The following ST3GAL3 variants were observed in gnomAD, a reference collection of about 807,000 sequenced individuals.
The protein encoded by ST3GAL3 is CMP-N-acetylneuraminate-beta-1,4-galactoside alpha-2,3-sialyltransferase.
Under a neutral mutation model 50.1 loss-of-function variants are expected in ST3GAL3, and 21 were observed. The ratio of observed to expected loss-of-function variants is 0.42; its 90% CI spans 0.30 to 0.60. The LOEUF (loss-of-function observed/expected upper bound fraction) is 0.60. Among genes scored for constraint, ST3GAL3 ranks in the 20% least tolerant of loss-of-function variants. The pLI is 0.19. For missense variants in ST3GAL3, 353 were observed against 489.4 expected (o/e 0.72, Z 2.63); for synonymous variants, 183 against 190.0 (o/e 0.96, Z 0.30).
intron 5 of ST3GAL3, among the ~76,000 whole-genome samples, chr1:43,890,574 G>A (rs1288124584): frequency 2.6e-5 from 4 of 152,098 alleles, no homozygotes; most frequent in South Asian, 4.1e-4. Flanking sequence ...AGAGAGAGAC[G>A]AAGTGGAAAG....
intron 11 of ST3GAL3, among the ~76,000 whole-genome samples, chr1:43,921,263 A>C (rs2082989700): frequency 1.3e-5 from 2 of 152,078 alleles, no homozygotes; most frequent in Non-Finnish European, 2.9e-5. Context: ...TCCCTCAAAA[A>C]ACCCACAACT....
chr1:43,928,956 A>G (rs1017719386), intron 11 of ST3GAL3, among the ~76,000 whole-genome samples: 6 of 152,184 alleles, frequency 3.9e-5, no homozygotes, highest in Non-Finnish European at 7.4e-5. Flanking sequence ...GTGAAGCTCA[A>G]TGCTGACAAA....
chr1:43,922,032 C>G, intron 11 of ST3GAL3: 1 of 311,848 alleles, frequency 3.2e-6, no homozygotes, highest in Non-Finnish European at 5.8e-6. Flanking sequence ...CATTCTCTCA[C>G]ATTCTCTTTC....
At chr1:43,888,297 A>G (rs1271921756) in intron 5 of ST3GAL3, among the ~76,000 whole-genome samples, 1 of 152,160 alleles carries the variant, frequency 6.6e-6, no homozygotes, top group Non-Finnish European at 1.5e-5. Context: ...TATGACTCAA[A>G]CTCCAGAAGC....
At chr1:43,858,638 T>C (rs981792096) in intron 5 of ST3GAL3, among the ~76,000 whole-genome samples, 22 of 152,192 alleles carry the variant, frequency 1.4e-4, no homozygotes, top group Non-Finnish European at 2.8e-4. Flanking sequence ...AGCAGCCCTG[T>C]GAGTTCCTCA....
chr1:43,838,921 G>T, intron 5 of ST3GAL3: 1 of 163,940 alleles, frequency 6.1e-6, no homozygotes, highest in East Asian at 1.7e-4. Context: ...GTGTGGAAAA[G>T]GAGCTGAAGT....
rs558530133 is a variant in ST3GAL3, at chr1:43,890,385, A to G, written c.303-3998A>G. 5.9e-5 allele frequency among the ~76,000 whole-genome samples: 9 copies of G among 152,214 alleles called. 1 individual carries two copies. Among genetic ancestry groups the G allele is most frequent in the Non-Finnish European group, 1.2e-4 (8 of 68,000 alleles). ...ACAGTACTATTTTTTCTGCCTTTTTATATGTGAAATTTTCCATAATGAAAA... is the reference window on the plus strand; with the variant it reads ...ACAGTACTATTTTTTCTGCCTTTTTGTATGTGAAATTTTCCATAATGAAAA... On this transcript the variant is annotated intron_variant, in intron 5 of 11. Coordinates refer to ENST00000347631, the MANE Select transcript of ST3GAL3 (RefSeq NM_006279.5).
chr1:43,867,362 T>G (rs2071595713), intron 5 of ST3GAL3, among the ~76,000 whole-genome samples: 1 of 152,196 alleles, frequency 6.6e-6, no homozygotes, highest in Non-Finnish European at 1.5e-5. Flanking sequence ...AGAAGATCAT[T>G]TCTTTCTTAT....
At chr1:43,827,612 C>A (rs1176364203) in intron 4 of ST3GAL3, among the ~76,000 whole-genome samples, 1 of 152,128 alleles carries the variant, frequency 6.6e-6, no homozygotes, top group Non-Finnish European at 1.5e-5. Context: ...AAGTGATCCT[C>A]CTACCTCAGC....
At chr1:43,728,895 T>C (rs1032738163) in intron 1 of ST3GAL3, among the ~76,000 whole-genome samples, 6 of 151,894 alleles carry the variant, frequency 4.0e-5, no homozygotes, top group Non-Finnish European at 7.4e-5. Context: ...ATTTCTGTAT[T>C]ATTGTTCGTT....
chr1:43,914,293 A>T (rs563062940), intron 9 of ST3GAL3: 1 of 152,286 alleles, frequency 6.6e-6, no homozygotes, highest in African/African-American at 2.4e-5. Context: ...GTGTACCCTG[A>T]CGAGTCCCCT....
At chr1:43,734,109 T>G (rs758866068) in intron 1 of ST3GAL3, among the ~76,000 whole-genome samples, 4 of 151,708 alleles carry the variant, frequency 2.6e-5, no homozygotes, top group African/African-American at 9.7e-5. Context: ...AAACTCCATC[T>G]CGGGGGGTAA....
Position 43,808,675 on chromosome 1 carries a change from G to A in ST3GAL3, c.167-6216G>A, listed in dbSNP as rs112337137. On this transcript the variant is annotated intron_variant, in intron 3 of 11. Transcript: ENST00000347631. ...AACAGTTGAGCATTTGAGGAGACCA[G>A]GGCAACTAGAATTCACAGATCATCA... 3.8e-4 allele frequency among the ~76,000 whole-genome samples: 58 copies of A among 152,242 alleles called. 4 individuals are homozygous for A. Among genetic ancestry groups the A allele is most frequent in the African/African-American group, 1.3e-3 (53 of 41,524 alleles).
chr1:43,844,681 G>A (rs543271046), intron 5 of ST3GAL3, among the ~76,000 whole-genome samples: 60 of 152,252 alleles, frequency 3.9e-4, no homozygotes, highest in Admixed American at 3.3e-3. Context: ...GCGTGGTGGC[G>A]GGCACTACGG....
At chr1:43,825,021 T>C (rs2062603387) in intron 4 of ST3GAL3, 1 of 686,126 alleles carries the variant, frequency 1.5e-6, no homozygotes, top group Non-Finnish European at 2.7e-6. Flanking sequence ...TAGGAGTATG[T>C]CTATGTGTGA....
At chr1:43,821,854 G>A (rs531155762) in intron 4 of ST3GAL3, among the ~76,000 whole-genome samples, 2 of 152,332 alleles carry the variant, frequency 1.3e-5, no homozygotes, top group East Asian at 3.9e-4. Context: ...CGACAACAAA[G>A]TGGATACTCC....
At chr1:43,708,338 T>A (rs989902610) in intron 1 of ST3GAL3, among the ~76,000 whole-genome samples, 11 of 152,334 alleles carry the variant, frequency 7.2e-5, no homozygotes, top group African/African-American at 2.6e-4. Context: ...CATTTATGTT[T>A]CCTTCACGTA....
chr1:43,858,968 T>A (rs372312122), intron 5 of ST3GAL3, among the ~76,000 whole-genome samples: 43 of 152,196 alleles, frequency 2.8e-4, no homozygotes, highest in African/African-American at 8.9e-4. Flanking sequence ...GCAAATGAAG[T>A]GTCAGAGGGA....
intron 9 of ST3GAL3, among the ~76,000 whole-genome samples, chr1:43,910,487 G>A (rs373039817): frequency 2.4e-4 from 36 of 152,356 alleles, no homozygotes; most frequent in African/African-American, 8.4e-4. Flanking sequence ...GTAGGACAAT[G>A]CACAGGACAA....
Sources: allele counts gnomAD v4.1 joint callset (sites outside exome capture counted in the v4.1 genomes callset), GRCh38; gene constraint gnomAD v4.1.1; transcripts MANE v1.5; gene names NCBI Gene and HGNC (gene_info 2026-07-23, HGNC 2026-07-21).